Variants in FKBP5 observed in about 807,000 individuals in gnomAD.
FKBP5 encodes peptidyl-prolyl cis-trans isomerase FKBP5.
Under a neutral mutation model 50.5 loss-of-function variants are expected in FKBP5, and 23 were observed. That is an observed-to-expected ratio of 0.46 (90% CI 0.33 to 0.65). The LOEUF is 0.65. Ranked by LOEUF, FKBP5 falls within the 30% of genes least tolerant of loss-of-function variation. The probability of loss-of-function intolerance (pLI) is 0.02; values close to 1 mark genes in which losing one functional copy is unlikely to be tolerated. For missense variants in FKBP5, 411 were observed against 553.1 expected (o/e 0.74, Z 2.58); for synonymous variants, 176 against 190.6 (o/e 0.92, Z 0.63).
intron 5 of FKBP5, among the ~76,000 whole-genome samples, chr6:35,611,272 A>G (rs1763485776): frequency 6.6e-6 from 1 of 152,020 alleles, no homozygotes; most frequent in Non-Finnish European, 1.5e-5. Context: ...TGTTCCCTCC[A>G]TCTATCATTT....
chr6:35,632,551 A>C (rs965375436), intron 3 of FKBP5, among the ~76,000 whole-genome samples: 1 of 151,944 alleles, frequency 6.6e-6, no homozygotes, highest in Admixed American at 6.6e-5. Flanking sequence ...AGTATATATG[A>C]TTATCATAAC....
chr6:35,629,525 C>G (rs1413393183), intron 3 of FKBP5, among the ~76,000 whole-genome samples: 1 of 152,030 alleles, frequency 6.6e-6, no homozygotes, highest in African/African-American at 2.4e-5. Context: ...AACAAACAAA[C>G]AAACAGGGAA....
At chr6:35,644,955 G>C (rs1309147704) in intron 1 of FKBP5, among the ~76,000 whole-genome samples, 1 of 152,134 alleles carries the variant, frequency 6.6e-6, no homozygotes, top group African/African-American at 2.4e-5. Flanking sequence ...AAACCACCAG[G>C]TGAGAGGTTA....
At chr6:35,614,159 G>C (rs2150974007) in intron 5 of FKBP5, among the ~76,000 whole-genome samples, 1 of 152,298 alleles carries the variant, frequency 6.6e-6, no homozygotes, top group South Asian at 2.1e-4. Context: ...CTCCCAAAGT[G>C]CTGGGATTAC....
At chr6:35,685,494 A>C (rs1765797147) in intron 1 of FKBP5, among the ~76,000 whole-genome samples, 1 of 151,868 alleles carries the variant, frequency 6.6e-6, no homozygotes. Context: ...AAAATCTACT[A>C]ATCAGCTAAG....
intron 5 of FKBP5, among the ~76,000 whole-genome samples, chr6:35,613,407 G>A (rs561774248): frequency 2.0e-5 from 3 of 152,090 alleles, no homozygotes; most frequent in Non-Finnish European, 2.9e-5. Flanking sequence ...GTAGAGATGG[G>A]GTTTTGCCAT....
intron 8 of FKBP5, chr6:35,584,682 CAA>C: frequency 2.0e-6 from 2 of 985,446 alleles, no homozygotes; most frequent in Non-Finnish European, 2.4e-6. Context: ...TTTAGTGGTA[CAA>C]AATGTTCAGA....
At chr6:35,617,692 C>G (rs1314252713) in intron 5 of FKBP5, among the ~76,000 whole-genome samples, 1 of 152,206 alleles carries the variant, frequency 6.6e-6, no homozygotes, top group Non-Finnish European at 1.5e-5. Context: ...AAATGTGTGT[C>G]ACGCACTGCA....
At chr6:35,614,186 G>A (rs1763577310) in intron 5 of FKBP5, among the ~76,000 whole-genome samples, 2 of 152,178 alleles carry the variant, frequency 1.3e-5, no homozygotes, top group South Asian at 2.1e-4. Flanking sequence ...GAGCCACCAC[G>A]ACTGGCTCCC....
intron 2 of FKBP5, among the ~76,000 whole-genome samples, chr6:35,717,121 C>T (rs141600556): frequency 6.8e-4 from 103 of 152,304 alleles, no homozygotes; most frequent in African/African-American, 2.4e-3. Flanking sequence ...CCAGAGTAAA[C>T]CCACAGCTCT....
At chr6:35,594,404 TCA>T (rs1381263237) in intron 6 of FKBP5, among the ~76,000 whole-genome samples, 2 of 151,784 alleles carry the variant, frequency 1.3e-5, no homozygotes, top group African/African-American at 4.8e-5. Context: ...AGTATCAGAG[TCA>T]CAGAGAAGGT....
At chr6:35,581,103 A>G in intron 8 of FKBP5, 1 of 963,930 alleles carries the variant, frequency 1.0e-6, no homozygotes, top group Non-Finnish European at 1.2e-6. Flanking sequence ...TTACAAAAAC[A>G]GGCAGGGACC....
chr6:35,681,626 A>T (rs1405758254), intron 1 of FKBP5, among the ~76,000 whole-genome samples: 1 of 152,196 alleles, frequency 6.6e-6, no homozygotes, highest in Non-Finnish European at 1.5e-5. Flanking sequence ...CCTACTGTGA[A>T]AAAAGCTGCT....
At chr6:35,593,365 G>C (rs1004298354) in intron 6 of FKBP5, among the ~76,000 whole-genome samples, 20 of 152,154 alleles carry the variant, frequency 1.3e-4, no homozygotes, top group African/African-American at 4.8e-4. Flanking sequence ...CATATAAGAA[G>C]CACTTGGACT....
chr6:35,706,422 C>T (rs1406396351), intron 2 of FKBP5, among the ~76,000 whole-genome samples: 2 of 70,462 alleles, frequency 2.8e-5, no homozygotes, highest in Non-Finnish European at 5.0e-5. Flanking sequence ...GAAACTCTGT[C>T]TCAAAAAAAA....
intron 5 of FKBP5, among the ~76,000 whole-genome samples, chr6:35,605,383 CTTTTTTT>C (rs1158530509): frequency 1.8e-3 from 92 of 52,304 alleles, no homozygotes; most frequent in African/African-American, 5.1e-3. Context: ...ATGACAATAT[CTTTTTTT>C]TTTTTTTTTT....
At chr6:35,618,998 T>C in intron 5 of FKBP5, 98 bp downstream of exon 5, 3 of 805,548 alleles carry the variant, frequency 3.7e-6, no homozygotes, top group East Asian at 2.6e-5. Flanking sequence ...GCACAGCCGA[T>C]ATATTCATTT....
chr6:35,613,823 A>C (rs186967827), intron 5 of FKBP5, among the ~76,000 whole-genome samples: 102 of 152,330 alleles, frequency 6.7e-4, no homozygotes, highest in African/African-American at 2.4e-3. Flanking sequence ...ATTTAATCTA[A>C]AATTTCCCAG....
At chr6:35,663,327 C>T (rs1427698644) in intron 1 of FKBP5, among the ~76,000 whole-genome samples, 3 of 152,192 alleles carry the variant, frequency 2.0e-5, no homozygotes, top group South Asian at 4.1e-4. Flanking sequence ...GCAGATGATG[C>T]TAAATAAACA....
Sources: allele counts gnomAD v4.1 joint callset (sites outside exome capture counted in the v4.1 genomes callset), GRCh38; gene constraint gnomAD v4.1.1; transcripts MANE v1.5; gene names NCBI Gene and HGNC (gene_info 2026-07-23, HGNC 2026-07-21).